Variants in ZEB2 observed in about 807,000 individuals in gnomAD.
The protein encoded by ZEB2 is zinc finger E-box-binding homeobox 2.
A neutral mutation model predicts 99.9 loss-of-function variants in ZEB2; 6 were observed. That is an observed-to-expected ratio of 0.06 (90% CI 0.03 to 0.12). The LOEUF is 0.12. Among genes scored for constraint, ZEB2 ranks in the 10% least tolerant of loss-of-function variants. The probability of loss-of-function intolerance (pLI) is 1.00; values close to 1 mark genes in which losing one functional copy is unlikely to be tolerated. For missense variants in ZEB2, 969 were observed against 1,502.8 expected, an observed-to-expected ratio of 0.64 and a Z score of 5.87; for synonymous variants, 517 against 542.5, an observed-to-expected ratio of 0.95 and a Z score of 0.65.
intron 2 of ZEB2, among the ~76,000 whole-genome samples, chr2:144,480,400 T>C (rs546660294): frequency 1.3e-5 from 2 of 152,218 alleles, no homozygotes; most frequent in Non-Finnish European, 2.9e-5. Flanking sequence ...TTCCCAGTAG[T>C]CCCTACTAGA....
intron 2 of ZEB2, 105 bp downstream of exon 2, chr2:144,517,173 G>A (rs898667459): frequency 7.7e-6 from 11 of 1,420,832 alleles, no homozygotes; most frequent in African/African-American, 1.4e-5. Flanking sequence ...AGCCCTGGGC[G>A]CCGCCGCCGC....
intron 2 of ZEB2, among the ~76,000 whole-genome samples, chr2:144,456,600 T>C (rs561621748): frequency 2.6e-5 from 4 of 152,274 alleles, no homozygotes; most frequent in Non-Finnish European, 4.4e-5. Context: ...AAAAAAATTA[T>C]GTAAAATACA....
chr2:144,406,582 A>T (rs1351186378), intron 4 of ZEB2, among the ~76,000 whole-genome samples: 1 of 152,138 alleles, frequency 6.6e-6, no homozygotes, highest in Non-Finnish European at 1.5e-5. Context: ...GATGTTAAAA[A>T]AAAAGGACAG....
chr2:144,458,084 T>C (rs1039548126), intron 2 of ZEB2, among the ~76,000 whole-genome samples: 3 of 151,950 alleles, frequency 2.0e-5, no homozygotes, highest in Admixed American at 6.6e-5. Flanking sequence ...CAATTGCCTA[T>C]ATTTCTGGGC....
chr2:144,424,877 A>T lies in ZEB2; in HGVS notation c.332-10T>A, dbSNP rs1197768166. The T allele has an allele frequency of 1.2e-6, 2 of 1,613,698 alleles. No individual in the cohort carries two copies. The highest frequency in any genetic ancestry group is 1.7e-6 in the Non-Finnish European group (2 of 1,179,726). On this transcript the variant is annotated splice_polypyrimidine_tract_variant and intron_variant, in intron 3 of 9. Coordinates refer to ENST00000627532, the MANE Select transcript of ZEB2 (RefSeq NM_014795.4). ...TCTTCCTTCATTTCTTCTGTGGGGG[A>T]AAATTATCTTTAGCATTTGAGAATT...
rs1171174781 is a variant in ZEB2 at position 144,389,258 on chromosome 2, A to G, written c.*193T>C. The G allele has an allele frequency of 3.1e-6, 2 of 653,282 alleles. No individual in the cohort carries two copies. Among genetic ancestry groups the G allele is most frequent in the Non-Finnish European group, 5.3e-6 (2 of 377,948 alleles). The allele number at this position is 653,282 out of a possible 1,614,324, so 40.5% of individuals were successfully genotyped here. A position where few individuals can be genotyped will look rare whatever the true frequency, so the allele number is the denominator to read the frequency against. On this transcript the variant is annotated 3_prime_UTR_variant, in exon 10 of 10. Transcript: ENST00000627532. The surrounding 1 kb of genome is among the most constrained non-coding windows in gnomAD (Gnocchi z 6.8). ...CCTTAACACTGTACAAAATTTTTGC[A>G]TAATGCAGTTTTTAACAATACCCAG...
At chr2:144,426,648 G>A (rs139725241) in intron 3 of ZEB2, 1 of 152,230 alleles carries the variant, frequency 6.6e-6, no homozygotes, top group African/African-American at 2.4e-5. Flanking sequence ...ATACAAATGT[G>A]TAGTCAGCAC....
At chr2:144,510,687 CCTCTCTCTCTCTCT>C (rs34688250) in intron 2 of ZEB2, among the ~76,000 whole-genome samples, 1 of 147,870 alleles carries the variant, frequency 6.8e-6, no homozygotes, top group Non-Finnish European at 1.5e-5. Context: ...CTACCCTGTG[CCTCTCTCTCTCTCT>C]CTCTCTCTCT....
chr2:144,505,543 A>C (rs952323178), intron 2 of ZEB2, among the ~76,000 whole-genome samples: 3 of 152,156 alleles, frequency 2.0e-5, no homozygotes, highest in Admixed American at 6.5e-5. Context: ...CCTCTATATA[A>C]ATGTCAATTT....
chr2:144,468,506 A>G (rs1017290504), intron 2 of ZEB2, among the ~76,000 whole-genome samples: 1 of 152,160 alleles, frequency 6.6e-6, no homozygotes, highest in African/African-American at 2.4e-5. Context: ...GACAACTCAA[A>G]TGTGAGTTTT....
In ZEB2 at chr2:144,388,777, C is replaced by T. The variant is rs925752534; in HGVS notation, c.*674G>A. 5 of 419,894 alleles carry T rather than the reference C, an allele frequency of 1.2e-5. No homozygotes were observed. Among genetic ancestry groups the T allele is most frequent in the South Asian group, 3.6e-5 (2 of 55,824 alleles). 26.0% of individuals were successfully genotyped at this position (419,894 alleles called of 1,614,324 possible). ...AGGTTTGCATATAAGGCTTTTAAAA[C>T]CACCTTACAAAGGCTTTCTTTATTT... is the stretch of plus-strand genomic sequence containing the variant. On this transcript the variant is annotated 3_prime_UTR_variant, in exon 10 of 10. Coordinates refer to ENST00000627532, the MANE Select transcript of ZEB2 (RefSeq NM_014795.4). The surrounding 1 kb of genome is among the most constrained non-coding windows in gnomAD (Gnocchi z 5.4).
At chr2:144,424,696 C>G (rs557140875) in intron 4 of ZEB2, 100 bp downstream of exon 4, 1 of 1,377,786 alleles carries the variant, frequency 7.3e-7, no homozygotes, top group South Asian at 1.2e-5. Flanking sequence ...CTTGTTAAGT[C>G]ATGGAGATAC....
At chr2:144,448,664 C>G (rs1013486856) in intron 2 of ZEB2, 1 of 152,218 alleles carries the variant, frequency 6.6e-6, no homozygotes, top group Non-Finnish European at 1.5e-5. Flanking sequence ...GGAGAGGGGG[C>G]GTGGGAATAG....
At chr2:144,519,301 A>T (rs1705227418) in intron 1 of ZEB2, 1 of 152,026 alleles carries the variant, frequency 6.6e-6, no homozygotes, top group African/African-American at 2.4e-5. Context: ...TTCTTTATTT[A>T]TAATCACAGA....
chr2:144,510,171 A>T (rs1468909121), intron 2 of ZEB2, among the ~76,000 whole-genome samples: 1 of 151,770 alleles, frequency 6.6e-6, no homozygotes, highest in African/African-American at 2.4e-5. Flanking sequence ...GGCTCATTTG[A>T]GAGTTTCTTC....
In ZEB2 at chr2:144,404,987, G is replaced by A. The variant is rs766022812; in HGVS notation, c.441C>T (p.Tyr147=). The part of the protein sequence containing the change: ...NANCTSDFEE[Y]FAKRKLEERD... ...GTTCCTCCAGTTTTCTTTTGGCAAA[G>A]TATTCCTCAAAATCTGATGTGCAAT... is the stretch of plus-strand genomic sequence containing the variant. Residue 147 remains tyrosine (Y), a synonymous_variant, in exon 5 of 10, where the codon TAC becomes TAT. Transcript: ENST00000627532. 1.2e-6 allele frequency: 2 copies of A among 1,614,162 alleles called. No homozygotes were observed. Among genetic ancestry groups the A allele is most frequent in the Non-Finnish European group, 1.7e-6 (2 of 1,180,034 alleles).
chr2:144,443,072 A>G (rs1703937126), intron 2 of ZEB2, among the ~76,000 whole-genome samples: 1 of 152,164 alleles, frequency 6.6e-6, no homozygotes, highest in Non-Finnish European at 1.5e-5. Flanking sequence ...TTTTTATTCA[A>G]ACTTAGATCC....
chr2:144,424,754 A>T (rs753280652), intron 4 of ZEB2, 42 bp downstream of exon 4: 1 of 1,611,918 alleles, frequency 6.2e-7, no homozygotes, highest in Admixed American at 1.7e-5. Flanking sequence ...AACCCACATG[A>T]CACAGGACAA....
chr2:144,391,853 G>A (rs1703158497), intron 9 of ZEB2, among the ~76,000 whole-genome samples: 1 of 152,188 alleles, frequency 6.6e-6, no homozygotes, highest in Non-Finnish European at 1.5e-5. Context: ...CATCATTTAT[G>A]ACAGGCTGTG....
Sources: gnomAD v4.1 joint callset for allele counts (sites outside exome capture counted in the v4.1 genomes callset) on GRCh38, gnomAD v4.1.1 for gene constraint, Gnocchi (gnomAD v3.1) non-coding constraint, MANE v1.5 for transcripts, NCBI Gene and HGNC (gene_info 2026-07-23, HGNC 2026-07-21) for gene names.